Variants in ANKRD11 observed in about 807,000 individuals in gnomAD.
ANKRD11 encodes ankyrin repeat domain-containing protein 11.
In ANKRD11, 17 loss-of-function variants were observed where a neutral mutation model predicts 195.7. The observed-to-expected ratio is 0.09, with a 90% CI of 0.06 to 0.13. ANKRD11 has a LOEUF of 0.13. ANKRD11 is among the 10% of genes least tolerant of loss of function. ANKRD11 has a pLI of 1.00. For missense variants in ANKRD11, 3,735 were observed against 3,566.1 expected, an observed-to-expected ratio of 1.05 and a Z score of -1.21; for synonymous variants, 1,953 against 1,528.1, an observed-to-expected ratio of 1.28 and a Z score of -6.49.
chr16:89,426,567 A>ACACACACACACAC (rs1555574377), intron 1 of ANKRD11, among the ~76,000 whole-genome samples: 1 of 151,570 alleles, frequency 6.6e-6, no homozygotes, highest in East Asian at 1.9e-4. Flanking sequence ...ACACACACAC[A>ACACACACACACAC]AATCTGAAAT....
intron 4 of ANKRD11, among the ~76,000 whole-genome samples, chr16:89,295,647 A>G (rs1237825237): frequency 6.6e-6 from 1 of 151,736 alleles, no homozygotes; most frequent in African/African-American, 2.4e-5. Context: ...CCCTGCATCC[A>G]GCCATGGCCT....
chr16:89,282,118 C>A lies in ANKRD11; in HGVS notation c.4424G>T (p.Arg1475Met). Reference protein sequence around the residue: ...HREKWRDEKERHRDRHADGLL... With the variant: ...HREKWRDEKEMHRDRHADGLL... ...CCCATCCGCATGCCTGTCCCGGTGCCTCTCCTTCTCGTCTCTCCATTTCTC... is the reference window on the plus strand; with the variant it reads ...CCCATCCGCATGCCTGTCCCGGTGCATCTCCTTCTCGTCTCTCCATTTCTC... Residue 1475 changes from arginine (R) to methionine (M), a missense_variant, in exon 9 of 13, where the codon AGG becomes ATG. Arg to Met is a moderately conservative substitution (Grantham distance 91, BLOSUM62 -1). Coordinates refer to ENST00000301030, the MANE Select transcript of ANKRD11 (RefSeq NM_013275.6). 8.1e-6 allele frequency: 13 copies of A among 1,614,050 alleles called. 1 individual carries two copies. Among genetic ancestry groups the A allele is most frequent in the Non-Finnish European group, 1.0e-5 (12 of 1,180,006 alleles).
At chr16:89,320,567 G>A (rs1044830629) in intron 2 of ANKRD11, among the ~76,000 whole-genome samples, 1 of 152,174 alleles carries the variant, frequency 6.6e-6, no homozygotes, top group Non-Finnish European at 1.5e-5. Context: ...CCTCCTGGCG[G>A]ATGGCAACCG....
At chr16:89,341,499 C>T (rs1878348216) in intron 2 of ANKRD11, among the ~76,000 whole-genome samples, 1 of 152,090 alleles carries the variant, frequency 6.6e-6, no homozygotes, top group African/African-American at 2.4e-5. Flanking sequence ...ACCTTAGCAA[C>T]GGCTCTAAAC....
At chr16:89,288,497 C>T (rs1251139961) in intron 7 of ANKRD11, 31 bp downstream of exon 7, 2 of 1,613,856 alleles carry the variant, frequency 1.2e-6, no homozygotes, top group Non-Finnish European at 1.7e-6. Context: ...CCAGGACAGG[C>T]CGGATGTGTG....
chr16:89,473,503 T>C (rs547472939), intron 1 of ANKRD11, among the ~76,000 whole-genome samples: 8 of 152,284 alleles, frequency 5.3e-5, no homozygotes, highest in Admixed American at 2.0e-4. Context: ...AACAGCCTGA[T>C]AGTACCAGGG....
chr16:89,269,226 A>T (rs1191078903), intron 12 of ANKRD11, among the ~76,000 whole-genome samples: 1 of 148,734 alleles, frequency 6.7e-6, no homozygotes, highest in African/African-American at 2.5e-5. Context: ...TGCAATCATG[A>T]CTCACTGCAG....
chr16:89,280,316 G>A lies in ANKRD11; in HGVS notation c.6226C>T (p.Pro2076Ser), dbSNP rs1314385190. 1.9e-6 allele frequency: 3 copies of A among 1,589,964 alleles called. No homozygotes were observed. The African/African-American group carries it at 4.0e-5, about 21-fold the overall frequency. The change falls in exon 9 of 13, where the codon CCG becomes TCG. Residue 2076 changes from proline to serine, a missense_variant. Coordinates refer to ENST00000301030, the MANE Select transcript of ANKRD11 (RefSeq NM_013275.6). ...GCGGGCTCGGGGGCCACGTCCAGCG[G>A]GGCTTCCGGAAGTGACTTGCAGTTG... ...FSNCKSLPEA[P>S]LDVAPEPACV...
intron 2 of ANKRD11, among the ~76,000 whole-genome samples, chr16:89,361,242 C>T (rs986679493): frequency 6.6e-6 from 1 of 152,224 alleles, no homozygotes. Context: ...TTCTTCCTCC[C>T]GCAGAGGGCC....
At chr16:89,292,450 C>T (rs933834545) in intron 4 of ANKRD11, among the ~76,000 whole-genome samples, 1 of 152,208 alleles carries the variant, frequency 6.6e-6, no homozygotes, top group African/African-American at 2.4e-5. Context: ...CCGTCGATTT[C>T]CTAAGAGGAC....
chr16:89,285,123 G>A lies in ANKRD11; in HGVS notation c.1419C>T (p.Ser473=), dbSNP rs200455505. 28 of 1,613,626 alleles carry A rather than the reference G, an allele frequency of 1.7e-5. No homozygotes were observed. The highest frequency in any genetic ancestry group is 1.6e-4 in the Middle Eastern group (1 of 6,062). The change falls in exon 9 of 13, where the codon AGC becomes AGT. Residue 473 remains serine (S), a synonymous_variant. Transcript: ENST00000301030. The surrounding 1 kb of genome is among the most constrained non-coding windows in gnomAD (Gnocchi z 5.6). ...CCGACTCCGAGGAGCAGAACTTGTC[G>A]CTCCGCTTTCCGAAGCGAACCTCTC... The part of the protein sequence containing the change: ...KGREVRFGKR[S]DKFCSSESES...
At chr16:89,374,684 G>A (rs1032222405) in intron 2 of ANKRD11, among the ~76,000 whole-genome samples, 50 of 152,156 alleles carry the variant, frequency 3.3e-4, no homozygotes, top group African/African-American at 1.1e-3. Context: ...AGAGAGCATC[G>A]GGAAAAGCAC....
intron 1 of ANKRD11, among the ~76,000 whole-genome samples, chr16:89,418,688 G>C (rs2911256): frequency 0.54 from 82,123 of 151,900 alleles, 22,382 homozygotes; most frequent in Middle Eastern, 0.72. Context: ...CTTTTTATAC[G>C]TAAGAAACCA....
intron 2 of ANKRD11, among the ~76,000 whole-genome samples, chr16:89,358,040 T>C (rs746625307): frequency 5.9e-5 from 9 of 152,256 alleles, no homozygotes; most frequent in Non-Finnish European, 1.2e-4. Context: ...TGAACCCTCT[T>C]ACTGCTTTGA....
chr16:89,285,485 C>T lies in ANKRD11; in HGVS notation c.1057G>A (p.Asp353Asn), dbSNP rs972949350. 1 of 1,614,246 alleles carries T rather than the reference C, an allele frequency of 6.2e-7. No individual in the cohort carries two copies. Among genetic ancestry groups the T allele is most frequent in the Non-Finnish European group, 8.5e-7 (1 of 1,180,048 alleles). ...VKDEYEFDED[D>N]EQDRVPPVDD... Reference sequence around the variant, plus strand: ...ACCGGAGGAACCCTGTCCTGCTCGTCGTCCTCATCAAACTCATACTCGTCC... The same window carrying T: ...ACCGGAGGAACCCTGTCCTGCTCGTTGTCCTCATCAAACTCATACTCGTCC... Residue 353 changes from aspartate (D) to asparagine (N), a missense_variant, in exon 9 of 13, where the codon GAC becomes AAC. Physicochemically the swap from Asp to Asn is conservative, Grantham distance 23 (BLOSUM62 1). Coordinates refer to ENST00000301030, the MANE Select transcript of ANKRD11 (RefSeq NM_013275.6). The surrounding 1 kb of genome is among the most constrained non-coding windows in gnomAD (Gnocchi z 5.6).
Position 89,282,556 on chromosome 16 carries a change from G to A in ANKRD11, c.3986C>T (p.Pro1329Leu). The A allele has an allele frequency of 6.2e-7, 1 of 1,614,040 alleles. No individual in the cohort carries two copies. The highest frequency in any genetic ancestry group is 8.5e-7 in the Non-Finnish European group (1 of 1,179,966). Residue 1329 changes from proline to leucine, a missense_variant, in exon 9 of 13, where the codon CCT (proline) becomes CTT (leucine). By Grantham distance (98) the Pro-to-Leu change is moderately conservative (BLOSUM62 -3). Coordinates refer to ENST00000301030, the MANE Select transcript of ANKRD11 (RefSeq NM_013275.6). ...AFLEVSFTEP[P>L]GDDKPRESAC... The stretch of plus-strand genomic sequence containing the variant: ...GCTCTCCCTCGGCTTGTCGTCTCCA[G>A]GTGGCTCCGTGAAAGAGACCTCCAG...
At chr16:89,288,778 G>T (rs910805262) in intron 6 of ANKRD11, 108 bp from the exon 7 acceptor site, 2 of 1,530,254 alleles carry the variant, frequency 1.3e-6, no homozygotes, top group East Asian at 4.5e-5. Flanking sequence ...AAGCCAGGTG[G>T]GGAGCTGCCC....
At chr16:89,311,374 G>C (rs1390129682) in intron 3 of ANKRD11, among the ~76,000 whole-genome samples, 2 of 152,096 alleles carry the variant, frequency 1.3e-5, no homozygotes, top group African/African-American at 4.8e-5. Flanking sequence ...CCTTTGTCTG[G>C]CTTTGGTATC....
intron 2 of ANKRD11, among the ~76,000 whole-genome samples, chr16:89,347,124 T>C (rs1243846842): frequency 6.6e-6 from 1 of 152,080 alleles, no homozygotes; most frequent in Non-Finnish European, 1.5e-5. Flanking sequence ...TGTCTCTCGT[T>C]GGTCCGGGCA....
Sources: allele counts gnomAD v4.1 joint callset (sites outside exome capture counted in the v4.1 genomes callset), GRCh38; gene constraint gnomAD v4.1.1; non-coding constraint Gnocchi (gnomAD v3.1); transcripts MANE v1.5; gene names NCBI Gene and HGNC (gene_info 2026-07-23, HGNC 2026-07-21).